Variants in TSHZ1 observed in about 807,000 individuals in gnomAD.
TSHZ1 encodes the protein teashirt zinc finger homeobox 1.
TSHZ1 carries 12 observed loss-of-function variants against 67.1 expected under a neutral mutation model. The ratio of observed to expected loss-of-function variants is 0.18; its 90% CI spans 0.11 to 0.29. TSHZ1 has a LOEUF of 0.29. Ranked by LOEUF, TSHZ1 falls within the 10% of genes least tolerant of loss-of-function variation. The pLI is 1.00. For missense variants in TSHZ1, 1,305 were observed against 1,413.9 expected, an observed-to-expected ratio of 0.92 and a Z score of 1.23; for synonymous variants, 632 against 622.4, an observed-to-expected ratio of 1.02 and a Z score of -0.23.
intron 1 of TSHZ1, among the ~76,000 whole-genome samples, chr18:75,214,354 C>T (rs1485296650): frequency 2.0e-5 from 3 of 152,144 alleles, no homozygotes; most frequent in African/African-American, 7.2e-5. Flanking sequence ...AAGGAGCCGT[C>T]GATGTTTATA....
At chr18:75,262,651 G>T (rs921182294) in intron 1 of TSHZ1, among the ~76,000 whole-genome samples, 1 of 152,130 alleles carries the variant, frequency 6.6e-6, no homozygotes, top group East Asian at 1.9e-4. Flanking sequence ...CAAATGCAAC[G>T]TTCACTCTGG....
intron 1 of TSHZ1, among the ~76,000 whole-genome samples, chr18:75,262,766 C>T (rs750908575): frequency 8.5e-5 from 13 of 152,154 alleles, no homozygotes; most frequent in African/African-American, 1.7e-4. Context: ...CTTCCTGTGC[C>T]TTTTGAAATC....
At chr18:75,267,410 T>C (rs981557575) in intron 1 of TSHZ1, among the ~76,000 whole-genome samples, 1 of 152,172 alleles carries the variant, frequency 6.6e-6, no homozygotes, top group African/African-American at 2.4e-5. Flanking sequence ...GTTTGGCATA[T>C]GGAATAAGAA....
At chr18:75,264,408 T>C (rs1432234129) in intron 1 of TSHZ1, among the ~76,000 whole-genome samples, 1 of 152,180 alleles carries the variant, frequency 6.6e-6, no homozygotes, top group Admixed American at 6.5e-5. Context: ...AACTTTTGCA[T>C]GCGGGTGGTG....
intron 1 of TSHZ1, among the ~76,000 whole-genome samples, chr18:75,256,557 T>C (rs2023363978): frequency 6.6e-6 from 1 of 152,214 alleles, no homozygotes; most frequent in Non-Finnish European, 1.5e-5. Flanking sequence ...TTTCTTAATA[T>C]CTATGTGTTA....
At chr18:75,245,671 A>G (rs1399224893) in intron 1 of TSHZ1, among the ~76,000 whole-genome samples, 1 of 152,102 alleles carries the variant, frequency 6.6e-6, no homozygotes, top group African/African-American at 2.4e-5. Context: ...TCCCTGTAAA[A>G]TTTGCTTAGT....
intron 1 of TSHZ1, among the ~76,000 whole-genome samples, chr18:75,240,769 C>T (rs1036319968): frequency 6.6e-6 from 1 of 152,214 alleles, no homozygotes; most frequent in Non-Finnish European, 1.5e-5. Context: ...TCCTCTTCTC[C>T]TGTACCATAA....
At chr18:75,257,619 GA>G (rs1010552671) in intron 1 of TSHZ1, among the ~76,000 whole-genome samples, 157 of 144,278 alleles carry the variant, frequency 1.1e-3, no homozygotes, top group Admixed American at 1.7e-3. Context: ...TTCGTAGACA[GA>G]AAAAAAAAAA....
At position 75,236,379 on chromosome 18, in the gene TSHZ1, G is replaced by A. The variant is rs1054692680; in HGVS notation, c.40+24463G>A. ...CGTGCCTCTCACTGGGAGGGAAGGG[G>A]CTGGACAAGAAGATGGACAGCTGTC... On this transcript the variant is annotated intron_variant, in intron 1 of 1. Transcript: ENST00000580243. Among the ~76,000 whole-genome samples, 264 of 152,154 alleles carry A rather than the reference G, an allele frequency of 1.7e-3. 8 individuals are homozygous for A. Among genetic ancestry groups the A allele is most frequent in the Non-Finnish European group, 5.0e-4 (34 of 68,032 alleles).
In TSHZ1 at chr18:75,261,749, T is replaced by C. The variant is rs182030840; in HGVS notation, c.41-23699T>C. 1.9e-3 allele frequency among the ~76,000 whole-genome samples: 295 copies of C among 152,378 alleles called. 2 individuals carry two copies. The highest frequency in any genetic ancestry group is 7.0e-3 in the African/African-American group (291 of 41,590). On this transcript the variant is annotated intron_variant, in intron 1 of 1. Transcript: ENST00000580243. ...GTCATCATTTGAATGCTGTAGGACC[T>C]TTGGCTGAAATGAAAAGACTTGCTA...
At chr18:75,264,197 C>CT (rs1337507510) in intron 1 of TSHZ1, among the ~76,000 whole-genome samples, 2 of 152,202 alleles carry the variant, frequency 1.3e-5, no homozygotes, top group Admixed American at 1.3e-4. Context: ...TGGCTGTCCT[C>CT]TTTAAGTCCC....
chr18:75,287,033 C>T lies in TSHZ1; in HGVS notation c.1626C>T (p.Asp542=), dbSNP rs377145373. ...CGTACCTGCGTGAGGAGGACCTGGA[C>T]GACAGCCCCAAGGGAGGGCTGGACA... ...LYPYLREEDL[D]DSPKGGLDIL... The change falls in exon 2 of 2, where the codon GAC becomes GAT. Residue 542 remains aspartate, a synonymous_variant. Coordinates refer to ENST00000580243, the MANE Select transcript of TSHZ1 (RefSeq NM_001308210.2). This position sits in a 1 kb window ranked among gnomAD's most constrained non-coding sequence, Gnocchi z 5.0. 4.0e-5 allele frequency: 64 copies of T among 1,613,854 alleles called. No individual in the cohort carries two copies. In the Middle Eastern group the frequency reaches 9.9e-4, roughly 25 times the overall value.
At chr18:75,238,293 A>G (rs2023106826) in intron 1 of TSHZ1, among the ~76,000 whole-genome samples, 1 of 152,184 alleles carries the variant, frequency 6.6e-6, no homozygotes, top group South Asian at 2.1e-4. Flanking sequence ...TCTAACTGCC[A>G]CGGGCAACTG....
At chr18:75,217,876 A>G (rs965332300) in intron 1 of TSHZ1, among the ~76,000 whole-genome samples, 32 of 152,332 alleles carry the variant, frequency 2.1e-4, no homozygotes, top group African/African-American at 7.7e-4. Context: ...GATTGTTATA[A>G]AAAGAAACCT....
At chr18:75,275,335 C>G (rs1428663196) in intron 1 of TSHZ1, among the ~76,000 whole-genome samples, 1 of 152,098 alleles carries the variant, frequency 6.6e-6, no homozygotes, top group Admixed American at 6.5e-5. Flanking sequence ...TTGGAATAAA[C>G]TTTGTGTTAA....
chr18:75,285,132 G>A (rs2023734411), intron 1 of TSHZ1: 1 of 236,830 alleles, frequency 4.2e-6, no homozygotes, highest in Non-Finnish European at 8.1e-6. Context: ...TATAGGAGGG[G>A]TACTTGGCAG....
rs1250155169 is a variant in TSHZ1 at position 75,286,355 on chromosome 18, T to C, written c.948T>C (p.Phe316=). Residue 316 remains phenylalanine, a synonymous_variant, in exon 2 of 2, where the codon TTT becomes TTC. Coordinates refer to ENST00000580243, the MANE Select transcript of TSHZ1 (RefSeq NM_001308210.2). The surrounding 1 kb of genome is among the most constrained non-coding windows in gnomAD (Gnocchi z 5.1). ...AGTGCATGTACTGTGGACACTCCTT[T>C]GAGTCCTTGCAGGACCTCAGCGTCC... ...VLKCMYCGHS[F]ESLQDLSVHM... is the part of the protein sequence containing the mutation. 6.2e-7 allele frequency: 1 copy of C among 1,614,142 alleles called. No individual in the cohort carries two copies. The highest frequency in any genetic ancestry group is 1.7e-5 in the Admixed American group (1 of 60,026).
intron 1 of TSHZ1, among the ~76,000 whole-genome samples, chr18:75,222,879 G>T (rs1313903460): frequency 6.6e-6 from 1 of 152,184 alleles, no homozygotes; most frequent in Non-Finnish European, 1.5e-5. Flanking sequence ...AAAGGCATTA[G>T]ACTACTGAGA....
At chr18:75,223,335 CAT>C (rs761586065) in intron 1 of TSHZ1, among the ~76,000 whole-genome samples, 6 of 152,082 alleles carry the variant, frequency 3.9e-5, no homozygotes, top group African/African-American at 7.2e-5. Flanking sequence ...TAGTTTCACA[CAT>C]GTTCAGTTTT....
Sources: allele counts gnomAD v4.1 joint callset (sites outside exome capture counted in the v4.1 genomes callset), GRCh38; gene constraint gnomAD v4.1.1; non-coding constraint Gnocchi (gnomAD v3.1); transcripts MANE v1.5; gene names NCBI Gene and HGNC (gene_info 2026-07-23, HGNC 2026-07-21).